The following HYOU1 variants were observed in gnomAD, a reference collection of about 807,000 sequenced individuals.
The protein encoded by HYOU1 is hypoxia up-regulated 1, also known as hypoxia up-regulated protein 1.
HYOU1 carries 40 observed loss-of-function variants against 120.5 expected under a neutral mutation model. The observed-to-expected ratio is 0.33, with a 90% CI of 0.26 to 0.43. The LOEUF (loss-of-function observed/expected upper bound fraction) is 0.43. Among genes scored for constraint, HYOU1 ranks in the 20% least tolerant of loss-of-function variants. HYOU1 has a pLI of 1.00. For missense variants in HYOU1, 1,085 were observed against 1,278.3 expected (o/e 0.85, Z 2.31); for synonymous variants, 501 against 479.4 (o/e 1.05, Z -0.59).
Position 119,050,719 on chromosome 11 carries a change from CCAAAAAAAAAAAAAAAAAAAA to C in HYOU1, c.1665+295_1665+315del, listed in dbSNP as rs1235052358. Among the ~76,000 whole-genome samples, 10 of 52,872 alleles carry C rather than the reference CCAAAAAAAAAAAAAAAAAAAA, an allele frequency of 1.9e-4. 1 individual carries two copies. The highest frequency in any genetic ancestry group is 4.8e-4 in the Admixed American group (2 of 4,168). The allele number at this position is 52,872 out of a possible 152,430, so 34.7% of individuals were successfully genotyped here. On this transcript the variant is annotated intron_variant, in intron 14 of 25. Coordinates refer to ENST00000617285, the MANE Select transcript of HYOU1 (RefSeq NM_006389.5). The stretch of plus-strand genomic sequence containing the variant: ...TTAAGTAACAGAGCCAAGACCCTCT[CCAAAAAAAAAAAAAAAAAAAA>C]AAAAAAAAAAAAAAAAAGAGTGGAT...
At position 119,052,608 on chromosome 11, in the gene HYOU1, T is replaced by C. The variant is rs2133594091; in HGVS notation, c.987+29A>G. On this transcript the variant is annotated intron_variant, in intron 9 of 25. Coordinates refer to ENST00000617285, the MANE Select transcript of HYOU1 (RefSeq NM_006389.5). The surrounding 1 kb of genome is among the most constrained non-coding windows in gnomAD (Gnocchi z 5.0). ...CCCCCACCCTCTACGTGGGACAAAA[T>C]ATAGCCTCAACCAGCCACTTGTGGG... 2 of 1,596,634 alleles carry C rather than the reference T, an allele frequency of 1.3e-6. No individual in the cohort carries two copies. Among genetic ancestry groups the C allele is most frequent in the South Asian group, 1.1e-5 (1 of 88,522 alleles).
chr11:119,055,901 C>G lies in HYOU1; in HGVS notation c.92-58G>C. On this transcript the variant is annotated intron_variant, in intron 2 of 25. Transcript: ENST00000617285. This position sits in a 1 kb window ranked among gnomAD's most constrained non-coding sequence, Gnocchi z 4.0. The stretch of plus-strand genomic sequence containing the variant: ...CCCTTCGCCCACCTTCCTGGGACTC[C>G]CTCTAATCAAAGCATACCACTTTCC... 1 of 1,484,148 alleles carries G rather than the reference C, an allele frequency of 6.7e-7. No individual in the cohort carries two copies. The highest frequency in any genetic ancestry group is 1.7e-5 in the Admixed American group (1 of 59,816). The allele number at this position is 1,484,148 out of a possible 1,614,324, so 91.9% of individuals were successfully genotyped here. A position where few individuals can be genotyped will look rare whatever the true frequency, so the allele number is the denominator to read the frequency against.
In HYOU1 at chr11:119,055,247, G is replaced by A; in HGVS notation, c.357C>T (p.Arg119=). The change falls in exon 5 of 26, where the codon CGC becomes CGT. Residue 119 remains arginine (R), a synonymous_variant. Coordinates refer to ENST00000617285, the MANE Select transcript of HYOU1 (RefSeq NM_006389.5). This position sits in a 1 kb window ranked among gnomAD's most constrained non-coding sequence, Gnocchi z 4.0. ...CGAAAGTCAGCTCGTGCTCCGGGAA[G>A]CGGGCCTGGTAAAGAGCTACATGGG... is the stretch of plus-strand genomic sequence containing the variant. ...DNPHVALYQA[R]FPEHELTFDP... The A allele has an allele frequency of 6.2e-7, 1 of 1,614,212 alleles. No individual in the cohort carries two copies. The highest frequency in any genetic ancestry group is 1.3e-5 in the African/African-American group (1 of 75,044).
Position 119,052,711 on chromosome 11 carries a change from C to A in HYOU1, c.913G>T (p.Ala305Ser). 6.2e-7 allele frequency: 1 copy of A among 1,614,216 alleles called. No homozygotes were observed. The highest frequency in any genetic ancestry group is 8.5e-7 in the Non-Finnish European group (1 of 1,180,032). ...RAKDVRENPR[A>S]MAKLLREANR... ...GCCTCACGCAGCAGCTTGGCCATGGCACGCGGGTTCTCCCGCACATCCTTT... is the reference window on the plus strand; with the variant it reads ...GCCTCACGCAGCAGCTTGGCCATGGAACGCGGGTTCTCCCGCACATCCTTT... The change falls in exon 9 of 26, where the codon GCC becomes TCC. Residue 305 changes from alanine (A) to serine (S), a missense_variant. Physicochemically the swap from Ala to Ser is moderately conservative, Grantham distance 99. Coordinates refer to ENST00000617285, the MANE Select transcript of HYOU1 (RefSeq NM_006389.5). The surrounding 1 kb of genome is among the most constrained non-coding windows in gnomAD (Gnocchi z 5.0).
In HYOU1 at chr11:119,050,959, A is replaced by C. The variant is rs2133581799; in HGVS notation, c.1665+76T>G. ...TTTTTGGTTATCTTATCCTAATGCC[A>C]TGTGGAACCCACTTTGGAAATGGCT... On this transcript the variant is annotated intron_variant, in intron 14 of 25. Transcript: ENST00000617285. 4.5e-6 allele frequency: 7 copies of C among 1,564,360 alleles called. No homozygotes were observed. The African/African-American group carries it at 9.5e-5, about 21-fold the overall frequency.
chr11:119,044,370 A>T lies in HYOU1; in HGVS notation c.*1223T>A, dbSNP rs1182691222. The stretch of plus-strand genomic sequence containing the variant: ...ATCTCTGCCAATGTGGCAAAAAAAA[A>T]AAAAAAAGGAAAAGACAAAATGACT... On this transcript the variant is annotated 3_prime_UTR_variant, in exon 26 of 26. Coordinates refer to ENST00000617285, the MANE Select transcript of HYOU1 (RefSeq NM_006389.5). 1 of 151,906 alleles carries T rather than the reference A, an allele frequency of 6.6e-6. No homozygotes were observed. The highest frequency in any genetic ancestry group is 1.5e-5 in the Non-Finnish European group (1 of 67,912). The allele number at this position is 151,906 out of a possible 1,614,324, so 9.4% of individuals were successfully genotyped here.
chr11:119,046,691 G>C lies in HYOU1; in HGVS notation c.2707C>G (p.Gln903Glu), dbSNP rs2133552477. The C allele has an allele frequency of 2.5e-6, 4 of 1,613,802 alleles. No homozygotes were observed. The Admixed American group carries it at 6.7e-5, about 27-fold the overall frequency. Residue 903 changes from glutamine to glutamate, a missense_variant, in exon 23 of 26, where the codon CAG (glutamine) becomes GAG (glutamate). Gln to Glu is a conservative substitution (Grantham distance 29, BLOSUM62 2). Around this residue, in one of 4 missense-constraint regions of HYOU1, gnomAD observed 516 missense variants for 517.1 expected, o/e 1.00. Coordinates refer to ENST00000617285, the MANE Select transcript of HYOU1 (RefSeq NM_006389.5). ...AACTTGGCCTTATTGAGCAGATACTGCACCTCTCGGTCCAGGGCCATCATC... is the reference window on the plus strand; with the variant it reads ...AACTTGGCCTTATTGAGCAGATACTCCACCTCTCGGTCCAGGGCCATCATC... Reference protein sequence around the residue: ...AKMMALDREVQYLLNKAKFTK... With the variant: ...AKMMALDREVEYLLNKAKFTK...
At position 119,045,662 on chromosome 11, in the gene HYOU1, G is replaced by T; in HGVS notation, c.2939-8C>A. On this transcript the variant is annotated splice_polypyrimidine_tract_variant and splice_region_variant and intron_variant, in intron 25 of 25. Coordinates refer to ENST00000617285, the MANE Select transcript of HYOU1 (RefSeq NM_006389.5). ...GTTCTTTCTGTTCAGGTTCTGTTGG[G>T]AGTTTGGGGGAGCAAAGGAATCACC... 1 of 1,614,204 alleles carries T rather than the reference G, an allele frequency of 6.2e-7. No homozygotes were observed. Among genetic ancestry groups the T allele is most frequent in the Non-Finnish European group, 8.5e-7 (1 of 1,180,042 alleles).
rs2133589301 is a variant in HYOU1, at chr11:119,051,976, C to T, written c.1206-25G>A. 9.9e-6 allele frequency: 16 copies of T among 1,613,866 alleles called. No individual in the cohort carries two copies. The highest frequency in any genetic ancestry group is 1.2e-5 in the Non-Finnish European group (14 of 1,179,888). ...CCTGGGAAAGCCCCAAGCCTCAGCA[C>T]GGTCTACCCTGGAGCATGCAACCGG... On this transcript the variant is annotated intron_variant, in intron 11 of 25. Coordinates refer to ENST00000617285, the MANE Select transcript of HYOU1 (RefSeq NM_006389.5). This position sits in a 1 kb window ranked among gnomAD's most constrained non-coding sequence, Gnocchi z 4.2.
In HYOU1 at chr11:119,055,919, CACTT is replaced by C; in HGVS notation, c.92-80_92-77del. The C allele has an allele frequency of 8.4e-6, 12 of 1,423,396 alleles. No homozygotes were observed. In the South Asian group the frequency reaches 1.3e-4, roughly 15 times the overall value. 88.2% of individuals were successfully genotyped at this position (1,423,396 alleles called of 1,614,324 possible). A position where few individuals can be genotyped will look rare whatever the true frequency, so the allele number is the denominator to read the frequency against. On this transcript the variant is annotated intron_variant, in intron 2 of 25. Transcript: ENST00000617285. The surrounding 1 kb of genome is among the most constrained non-coding windows in gnomAD (Gnocchi z 4.0). Reference sequence around the variant, plus strand: ...GGGACTCCCTCTAATCAAAGCATACCACTTTCCATGGGTAAACGAAGATGGCAAA... The same window carrying C: ...GGGACTCCCTCTAATCAAAGCATACCTCCATGGGTAAACGAAGATGGCAAA...
intron 8 of HYOU1, chr11:119,053,078 G>T: frequency 2.3e-6 from 1 of 427,880 alleles, no homozygotes; most frequent in Non-Finnish European, 4.1e-6. Context: ...CTTCCCTCTG[G>T]GAATACAAAT....
In HYOU1 at chr11:119,048,696, C is replaced by A; in HGVS notation, c.2165+18G>T. The stretch of plus-strand genomic sequence containing the variant: ...TTGCACACACATGTACACACACACA[C>A]CAGCTGTCCTCACTTACTTCTGCAC... On this transcript the variant is annotated intron_variant, in intron 18 of 25. Transcript: ENST00000617285. The surrounding 1 kb of genome is among the most constrained non-coding windows in gnomAD (Gnocchi z 4.7). 6.2e-7 allele frequency: 1 copy of A among 1,606,700 alleles called. No individual in the cohort carries two copies. The highest frequency in any genetic ancestry group is 1.1e-5 in the South Asian group (1 of 89,906).
At chr11:119,049,420 G>A in intron 16 of HYOU1, 136 bp downstream of exon 16, 1 of 1,567,730 alleles carries the variant, frequency 6.4e-7, no homozygotes, top group Non-Finnish European at 8.7e-7. Context: ...AAACAGCTCA[G>A]AGCCCAGAGG....
rs556524560 is a variant in HYOU1 at position 119,055,996 on chromosome 11, G to A, written c.91+74C>T. Reference sequence around the variant, plus strand: ...CAACTCAAGAGACTTCTGGCCAACAGCCCCAAGCTCAATTCCCATCATGCA... The same window carrying A: ...CAACTCAAGAGACTTCTGGCCAACAACCCCAAGCTCAATTCCCATCATGCA... On this transcript the variant is annotated intron_variant, in intron 2 of 25. Coordinates refer to ENST00000617285, the MANE Select transcript of HYOU1 (RefSeq NM_006389.5). The surrounding 1 kb of genome is among the most constrained non-coding windows in gnomAD (Gnocchi z 4.0). 2.7e-6 allele frequency: 4 copies of A among 1,458,642 alleles called. No homozygotes were observed. The African/African-American group carries it at 4.2e-5, about 15-fold the overall frequency. 90.4% of individuals were successfully genotyped at this position (1,458,642 alleles called of 1,614,324 possible).
Position 119,052,890 on chromosome 11 carries a change from A to G in HYOU1, c.795-61T>C, listed in dbSNP as rs1338622067. On this transcript the variant is annotated intron_variant, in intron 8 of 25. Coordinates refer to ENST00000617285, the MANE Select transcript of HYOU1 (RefSeq NM_006389.5). The surrounding 1 kb of genome is among the most constrained non-coding windows in gnomAD (Gnocchi z 5.0). The stretch of plus-strand genomic sequence containing the variant: ...ACACATGGAGTCCCCGCATCTGCAC[A>G]GGAGCCTCTCATCCCCACATGGCAC... 12 of 1,467,840 alleles carry G rather than the reference A, an allele frequency of 8.2e-6. No individual in the cohort carries two copies. The highest frequency in any genetic ancestry group is 1.4e-5 in the African/African-American group (1 of 71,148). The allele number at this position is 1,467,840 out of a possible 1,614,324, so 90.9% of individuals were successfully genotyped here.
chr11:119,046,854 T>A (rs2133554066), intron 22 of HYOU1, 52 bp from the exon 23 acceptor site: 1 of 1,579,794 alleles, frequency 6.3e-7, no homozygotes. Flanking sequence ...AGAGCAGACA[T>A]CTCTGTCCCA....
chr11:119,051,670 C>T lies in HYOU1; in HGVS notation c.1339-45G>A. 1 of 1,609,844 alleles carries T rather than the reference C, an allele frequency of 6.2e-7. No individual in the cohort carries two copies. The highest frequency in any genetic ancestry group is 1.7e-4 in the Middle Eastern group (1 of 6,050). ...AGGCACACTGTTGCACACTAGAGAA[C>T]CCGAGTAGGTTCTGGGGTAAGGATG... On this transcript the variant is annotated intron_variant, in intron 12 of 25. Coordinates refer to ENST00000617285, the MANE Select transcript of HYOU1 (RefSeq NM_006389.5). The surrounding 1 kb of genome is among the most constrained non-coding windows in gnomAD (Gnocchi z 4.2).
chr11:119,047,833 G>GGTCT lies in HYOU1; in HGVS notation c.2511-16_2511-15insAGAC. 9 of 1,613,818 alleles carry GGTCT rather than the reference G, an allele frequency of 5.6e-6. No homozygotes were observed. Among genetic ancestry groups the GGTCT allele is most frequent in the Non-Finnish European group, 7.6e-6 (9 of 1,179,922 alleles). On this transcript the variant is annotated splice_polypyrimidine_tract_variant and intron_variant, in intron 21 of 25. Transcript: ENST00000617285. Reference sequence around the variant, plus strand: ...GCCGGGCCCCCCTGGAAGCCAGAAAGGAGACCATTAGCCCCAGAGGGAGAG... The same window carrying GGTCT: ...GCCGGGCCCCCCTGGAAGCCAGAAAGGTCTGAGACCATTAGCCCCAGAGGGAGAG...
chr11:119,056,293 C>A, intron 1 of HYOU1, 126 bp from the exon 2 acceptor site: 1 of 736,076 alleles, frequency 1.4e-6, no homozygotes, highest in South Asian at 1.5e-5. Flanking sequence ...GGCAGATCAG[C>A]CTACTTCTCC....
Sources: gnomAD v4.1 joint callset for allele counts (sites outside exome capture counted in the v4.1 genomes callset) on GRCh38, gnomAD v4.1.1 for gene constraint, gnomAD v4.1.1 regional missense constraint, Gnocchi (gnomAD v3.1) non-coding constraint, MANE v1.5 for transcripts, NCBI Gene and HGNC (gene_info 2026-07-23, HGNC 2026-07-21) for gene names.